Variants in CNIH3 observed in about 807,000 individuals in gnomAD.
CNIH3 encodes the protein cornichon family AMPA receptor auxiliary protein 3, also known as protein cornichon homolog 3.
In CNIH3, 14 loss-of-function variants were observed where a neutral mutation model predicts 24.1. That is an observed-to-expected ratio of 0.58 (90% CI 0.38 to 0.91). CNIH3 has a LOEUF of 0.91. Ranked by LOEUF, CNIH3 falls within the 40% of genes least tolerant of loss-of-function variation. The pLI, the probability that CNIH3 is intolerant of heterozygous loss-of-function variation, is 0.00. For synonymous variants in CNIH3, 68 were observed against 73.8 expected (o/e 0.92, Z 0.40); for missense variants, 178 against 196.8 (o/e 0.90, Z 0.57).
intron 1 of CNIH3, among the ~76,000 whole-genome samples, chr1:224,676,911 T>G (rs1686167519): frequency 6.6e-6 from 1 of 152,230 alleles, no homozygotes; most frequent in South Asian, 2.1e-4. Context: ...GGGGAAGCTT[T>G]GCTTTGTTTC....
chr1:224,613,186 G>A (rs1302206235), upstream of CNIH3, among the ~76,000 whole-genome samples: 1 of 151,982 alleles, frequency 6.6e-6, no homozygotes, highest in East Asian at 1.9e-4. Context: ...TTTTTGTAGA[G>A]ACCGGGTCTT....
intron 3 of CNIH3, among the ~76,000 whole-genome samples, chr1:224,722,037 T>A (rs1160559231): frequency 6.6e-6 from 1 of 152,118 alleles, no homozygotes; most frequent in African/African-American, 2.4e-5. Context: ...TTGCCCAGAC[T>A]TGAGCCCCTG....
At chr1:224,550,947 T>C (rs1308290205) in intron 3 of CNIH3, among the ~76,000 whole-genome samples, 1 of 149,322 alleles carries the variant, frequency 6.7e-6, no homozygotes, top group Non-Finnish European at 1.5e-5. Context: ...AGTGAGAACA[T>C]GTGGTGTTTG....
chr1:224,730,623 G>T, intron 4 of CNIH3, 49 bp downstream of exon 4: 1 of 1,168,186 alleles, frequency 8.6e-7, no homozygotes, highest in East Asian at 2.6e-5. Flanking sequence ...TGCCAGGGCA[G>T]CCTGCTCTCC....
intron 1 of CNIH3, among the ~76,000 whole-genome samples, chr1:224,504,627 G>A (rs1466730004): frequency 2.0e-5 from 3 of 151,526 alleles, no homozygotes; most frequent in Non-Finnish European, 4.4e-5. Context: ...TGTGTCACTA[G>A]TCCAACCCCA....
chr1:224,492,746 T>C (rs545554919), intron 1 of CNIH3, among the ~76,000 whole-genome samples: 26 of 152,322 alleles, frequency 1.7e-4, no homozygotes, highest in African/African-American at 6.0e-4. Flanking sequence ...GAGTCCCCAG[T>C]ATAGAGTCAC....
At chr1:224,680,439 C>T (rs2125143234) in intron 1 of CNIH3, among the ~76,000 whole-genome samples, 1 of 152,322 alleles carries the variant, frequency 6.6e-6, no homozygotes, top group South Asian at 2.1e-4. Context: ...GCTGACTGCC[C>T]AGGAGCTGAC....
At chr1:224,453,148 CATATA>C (rs1399587407) in intron 1 of CNIH3, among the ~76,000 whole-genome samples, 1 of 151,398 alleles carries the variant, frequency 6.6e-6, no homozygotes, top group Non-Finnish European at 1.5e-5. Flanking sequence ...ATTATATACA[CATATA>C]ATATATATAT....
upstream of CNIH3, among the ~76,000 whole-genome samples, chr1:224,513,122 G>T (rs188335059): frequency 2.0e-5 from 3 of 151,926 alleles, no homozygotes; most frequent in Non-Finnish European, 4.4e-5. Context: ...GACCCTGCCC[G>T]CAGCCTGTGT....
At position 224,552,925 on chromosome 1, in the gene CNIH3, T is replaced by C. The variant is rs368858378; in HGVS notation, n.450+5986T>C. 1.2e-4 allele frequency among the ~76,000 whole-genome samples: 18 copies of C among 150,856 alleles called. No individual in the cohort carries two copies. The South Asian group carries it at 3.3e-3, about 28-fold the overall frequency. On this transcript the variant is annotated intron_variant and non_coding_transcript_variant, in intron 3 of 5. Transcript: ENST00000471578. ...CACAGGATATACACTTCCTGTTATATTAGGAGTAATATATCATCTCTCTTA... is the reference window on the plus strand; with the variant it reads ...CACAGGATATACACTTCCTGTTATACTAGGAGTAATATATCATCTCTCTTA...
chr1:224,504,992 C>T (rs1474841573), intron 1 of CNIH3, among the ~76,000 whole-genome samples: 3 of 132,784 alleles, frequency 2.3e-5, no homozygotes, highest in East Asian at 4.6e-4. Context: ...ATTATTTTCC[C>T]TTTCCCTCCC....
intron 1 of CNIH3, among the ~76,000 whole-genome samples, chr1:224,437,990 G>A (rs934036145): frequency 6.7e-6 from 1 of 150,200 alleles, no homozygotes; most frequent in South Asian, 2.1e-4. Flanking sequence ...TTGGCTCACT[G>A]CAAGCTCCGC....
intron 4 of CNIH3, among the ~76,000 whole-genome samples, chr1:224,570,952 G>A (rs143588401): frequency 1.2e-3 from 188 of 151,000 alleles, no homozygotes; most frequent in African/African-American, 4.3e-3. Flanking sequence ...TCTCAGCACC[G>A]TGAATTTCCA....
chr1:224,714,082 T>C (rs947430273), intron 3 of CNIH3, among the ~76,000 whole-genome samples: 4 of 152,224 alleles, frequency 2.6e-5, no homozygotes, highest in Admixed American at 1.3e-4. Context: ...CCCAAAGTGC[T>C]GGGATTACAG....
chr1:224,543,591 A>ACAAT (rs369169197), intron 2 of CNIH3, among the ~76,000 whole-genome samples: 3,253 of 152,240 alleles, frequency 0.021, 117 homozygotes, highest in African/African-American at 0.073. Context: ...GGTTAGTGTC[A>ACAAT]GAATTGTATT....
chr1:224,533,726 T>G (rs1378695857), intron 2 of CNIH3, among the ~76,000 whole-genome samples: 1 of 152,220 alleles, frequency 6.6e-6, no homozygotes, highest in Non-Finnish European at 1.5e-5. Context: ...TTTCCTCTCC[T>G]CTTTTTATAA....
intron 1 of CNIH3, among the ~76,000 whole-genome samples, chr1:224,634,936 AGTT>A (rs1390691367): frequency 1.3e-5 from 2 of 152,324 alleles, no homozygotes; most frequent in East Asian, 3.9e-4. Flanking sequence ...TCAGAGTATA[AGTT>A]GTTTTGCTCC....
At chr1:224,737,349 C>T (rs1199189523) in intron 5 of CNIH3, among the ~76,000 whole-genome samples, 1 of 152,144 alleles carries the variant, frequency 6.6e-6, no homozygotes, top group Non-Finnish European at 1.5e-5. Flanking sequence ...TTCAGTTTGG[C>T]CCTGCCTTCA....
chr1:224,659,637 G>T (rs548821933), intron 1 of CNIH3, among the ~76,000 whole-genome samples: 2 of 152,194 alleles, frequency 1.3e-5, no homozygotes, highest in Non-Finnish European at 2.9e-5. Context: ...CAGGGGAACA[G>T]CATGAGAAGT....
Sources: allele counts gnomAD v4.1 joint callset (sites outside exome capture counted in the v4.1 genomes callset), GRCh38; gene constraint gnomAD v4.1.1; transcripts MANE v1.5; gene names NCBI Gene and HGNC (gene_info 2026-07-23, HGNC 2026-07-21).